RAD50: variants seen among roughly 807,000 people sequenced by gnomAD.
RAD50 encodes the protein DNA repair protein RAD50.
In RAD50, 132 loss-of-function variants were observed where a neutral mutation model predicts 168.8. That is an observed-to-expected ratio of 0.78 (90% CI 0.68 to 0.90). The LOEUF (loss-of-function observed/expected upper bound fraction) is 0.90. RAD50 is among the 40% of genes least tolerant of loss of function. The pLI, the probability that RAD50 is intolerant of heterozygous loss-of-function variation, is 0.00. For synonymous variants in RAD50, 525 were observed against 497.4 expected (o/e 1.06, Z -0.74); for missense variants, 1,347 against 1,534.4 (o/e 0.88, Z 2.04).
At position 132,643,763 on chromosome 5, in the gene RAD50, G is replaced by T; in HGVS notation, c.*1399G>T. ...TAAATGTAATCACGAGTAAGATTAA[G>T]AGCAAATCAATTCTAGTCATATATT... On this transcript the variant is annotated 3_prime_UTR_variant, in exon 25 of 25. Transcript: ENST00000378823. The T allele has an allele frequency of 4.4e-6, 1 of 228,678 alleles. No homozygotes were observed. The allele number at this position is 228,678 out of a possible 1,614,324, so 14.2% of individuals were successfully genotyped here. A position where few individuals can be genotyped will look rare whatever the true frequency, so the allele number is the denominator to read the frequency against.
At chr5:132,571,683 A>C (rs2149835119) in intron 2 of RAD50, among the ~76,000 whole-genome samples, 1 of 152,174 alleles carries the variant, frequency 6.6e-6, no homozygotes, top group Non-Finnish European at 1.5e-5. Context: ...ATGCCACTGC[A>C]CTCCAGCCTG....
chr5:132,622,980 A>T (rs1751309599), intron 21 of RAD50, among the ~76,000 whole-genome samples: 1 of 152,218 alleles, frequency 6.6e-6, no homozygotes, highest in Non-Finnish European at 1.5e-5. Context: ...TGAACCCCAA[A>T]ACTATATAAA....
intron 2 of RAD50, among the ~76,000 whole-genome samples, chr5:132,561,654 TA>T (rs1163661126): frequency 1.3e-5 from 2 of 152,200 alleles, no homozygotes; most frequent in Non-Finnish European, 2.9e-5. Context: ...CTTCTTTCCT[TA>T]ACTCTAGACA....
At chr5:132,639,353 CAA>C (rs980327824) in intron 23 of RAD50, among the ~76,000 whole-genome samples, 15 of 82,652 alleles carry the variant, frequency 1.8e-4, no homozygotes, top group Admixed American at 4.4e-4. Context: ...AACTCCGTCT[CAA>C]AAAAAAAAAA....
In RAD50 at chr5:132,557,017, C is replaced by G. The variant is rs1003263940; in HGVS notation, c.-308C>G. 4 of 720,328 alleles carry G rather than the reference C, an allele frequency of 5.6e-6. No homozygotes were observed. The highest frequency in any genetic ancestry group is 8.3e-6 in the Non-Finnish European group (4 of 480,786). 44.6% of individuals were successfully genotyped at this position (720,328 alleles called of 1,614,324 possible). On this transcript the variant is annotated 5_prime_UTR_variant, in exon 1 of 25. Transcript: ENST00000378823. ...CGGCCGAGGCAGGAAGCTGTGAGTG[C>G]GCGGTTGCGGGGTCGCATTGTGGCT... is the stretch of plus-strand genomic sequence containing the variant.
chr5:132,580,057 T>C lies in RAD50; in HGVS notation c.747T>C (p.Asp249=). Residue 249 remains aspartate, a synonymous_variant, in exon 5 of 25, where the codon GAT becomes GAC. Transcript: ENST00000378823. ...EIVKSYENEL[D]PLKNRLKEIE... ...TCAAATCCTATGAGAATGAACTTGA[T>C]CCATTGAAGGTAACTTGATTTTATT... is the stretch of plus-strand genomic sequence containing the variant. The C allele has an allele frequency of 6.2e-7, 1 of 1,608,678 alleles. No individual in the cohort carries two copies. Among genetic ancestry groups the C allele is most frequent in the Non-Finnish European group, 8.5e-7 (1 of 1,175,178 alleles).
intron 19 of RAD50, among the ~76,000 whole-genome samples, chr5:132,610,322 TTAA>T (rs770381798): frequency 3.6e-4 from 55 of 152,260 alleles, no homozygotes; most frequent in Admixed American, 8.5e-4. Context: ...GGATTAAGGT[TTAA>T]TAATCTTGAA....
In RAD50 at chr5:132,637,009, T is replaced by C. The variant is rs1355308603; in HGVS notation, c.3390-106T>C. ...ACCATTGAAAATATTGAGGAAGTTATTTATATTTCTATTTTTTATATATTA... is the reference window on the plus strand; with the variant it reads ...ACCATTGAAAATATTGAGGAAGTTACTTATATTTCTATTTTTTATATATTA... On this transcript the variant is annotated intron_variant, in intron 21 of 24. Coordinates refer to ENST00000378823, the MANE Select transcript of RAD50 (RefSeq NM_005732.4). 3 of 889,656 alleles carry C rather than the reference T, an allele frequency of 3.4e-6. No homozygotes were observed. The Admixed American group carries it at 1.6e-4, about 46-fold the overall frequency. The allele number at this position is 889,656 out of a possible 1,614,324, so 55.1% of individuals were successfully genotyped here.
chr5:132,579,508 T>C lies in RAD50; in HGVS notation c.551+6T>C. The C allele has an allele frequency of 6.2e-7, 1 of 1,609,238 alleles. No individual in the cohort carries two copies. On this transcript the variant is annotated splice_donor_region_variant and intron_variant, in intron 4 of 24. Coordinates refer to ENST00000378823, the MANE Select transcript of RAD50 (RefSeq NM_005732.4). ...GAGATTTTTTCAGCAACAAGGTTTG[T>C]AACCCTTAAATAGACTTTGTAGTCC...
rs1215003869 is a variant in RAD50 at position 132,604,958 on chromosome 5, G to A, written c.2677G>A (p.Glu893Lys). Residue 893 changes from glutamate to lysine, a missense_variant, in exon 16 of 25, where the codon GAA (glutamate) becomes AAA (lysine). Glu to Lys is a moderately conservative substitution (Grantham distance 56). Around this residue, in one of 3 missense-constraint regions of RAD50, gnomAD observed 635 missense variants for 739.2 expected, o/e 0.86. Transcript: ENST00000378823. ...TCAGCAACTGGAGGAGCAGACTGTGGAATTATCCACTGAAGTTCAGTCTTT... is the reference window on the plus strand; with the variant it reads ...TCAGCAACTGGAGGAGCAGACTGTGAAATTATCCACTGAAGTTCAGTCTTT... ...RRQQLEEQTV[E>K]LSTEVQSLYR... 6.2e-7 allele frequency: 1 copy of A among 1,613,874 alleles called. No homozygotes were observed. The highest frequency in any genetic ancestry group is 1.7e-5 in the Admixed American group (1 of 60,014).
rs2149847348 is a variant in RAD50, at chr5:132,604,055, G to C, written c.2524+9G>C. On this transcript the variant is annotated intron_variant, in intron 15 of 24. Transcript: ENST00000378823. The stretch of plus-strand genomic sequence containing the variant: ...GCACAAGTTAGACACAGGTAATACA[G>C]TCTGTGTCCTTCTGTACTCATAGAG... 6.2e-7 allele frequency: 1 copy of C among 1,613,116 alleles called. No homozygotes were observed. The highest frequency in any genetic ancestry group is 8.5e-7 in the Non-Finnish European group (1 of 1,179,368).
At chr5:132,628,570 G>T (rs954963036) in intron 21 of RAD50, among the ~76,000 whole-genome samples, 1 of 152,084 alleles carries the variant, frequency 6.6e-6, no homozygotes, top group Non-Finnish European at 1.5e-5. Flanking sequence ...CAGCAGCCGG[G>T]CACGGTGGCT....
At chr5:132,558,020 TA>T (rs910937725) in intron 1 of RAD50, among the ~76,000 whole-genome samples, 1 of 151,718 alleles carries the variant, frequency 6.6e-6, no homozygotes, top group African/African-American at 2.4e-5. Context: ...TTTTTTTTTT[TA>T]AAGCCGTGGG....
intron 20 of RAD50, among the ~76,000 whole-genome samples, chr5:132,616,759 G>T (rs1041380286): frequency 2.0e-5 from 3 of 152,128 alleles, no homozygotes; most frequent in Non-Finnish European, 4.4e-5. Context: ...GTTGTACTAG[G>T]CAAATACTTA....
chr5:132,607,318 T>G (rs1449624618), intron 16 of RAD50, among the ~76,000 whole-genome samples: 4 of 152,220 alleles, frequency 2.6e-5, no homozygotes, highest in Non-Finnish European at 5.9e-5. Context: ...GTCATAGCAC[T>G]CTTTCCATTT....
intron 2 of RAD50, among the ~76,000 whole-genome samples, chr5:132,563,523 A>G (rs557220245): frequency 9.2e-5 from 14 of 152,344 alleles, no homozygotes; most frequent in Non-Finnish European, 5.9e-5. Flanking sequence ...TAACCTCAGT[A>G]AGTAAATTGA....
intron 21 of RAD50, among the ~76,000 whole-genome samples, chr5:132,633,105 T>C (rs1561657059): frequency 1.4e-5 from 2 of 145,588 alleles, no homozygotes; most frequent in Non-Finnish European, 1.5e-5. Context: ...TTTCTTTTTT[T>C]TTTTTTTTTT....
At chr5:132,631,422 T>C (rs1167977801) in intron 21 of RAD50, among the ~76,000 whole-genome samples, 4 of 152,034 alleles carry the variant, frequency 2.6e-5, no homozygotes, top group Non-Finnish European at 5.9e-5. Flanking sequence ...ACCTGGCCTC[T>C]CACTTTAAGA....
Position 132,640,689 on chromosome 5 carries a change from C to G in RAD50, c.3636C>G (p.Ile1212Met), listed in dbSNP as rs1554101171. 1 of 1,614,238 alleles carries G rather than the reference C, an allele frequency of 6.2e-7. No homozygotes were observed. Among genetic ancestry groups the G allele is most frequent in the Non-Finnish European group, 8.5e-7 (1 of 1,180,042 alleles). ...TTTTCCAGGTATTAGCCTCACTCATCATTCGCCTGGCCCTGGCTGAAACGT... is the reference window on the plus strand; with the variant it reads ...TTTTCCAGGTATTAGCCTCACTCATGATTCGCCTGGCCCTGGCTGAAACGT... ...SAGQKVLASLIIRLALAETFC... is the reference protein window; with the variant it reads ...SAGQKVLASLMIRLALAETFC... Residue 1212 changes from isoleucine to methionine, a missense_variant, in exon 24 of 25, where the codon ATC becomes ATG. Physicochemically the swap from Ile to Met is conservative, Grantham distance 10. Around this residue, in one of 3 missense-constraint regions of RAD50, gnomAD observed 635 missense variants for 739.2 expected, o/e 0.86. Coordinates refer to ENST00000378823, the MANE Select transcript of RAD50 (RefSeq NM_005732.4).
Sources: allele counts gnomAD v4.1 joint callset (sites outside exome capture counted in the v4.1 genomes callset), GRCh38; gene constraint gnomAD v4.1.1; regional missense constraint gnomAD v4.1.1; transcripts MANE v1.5; gene names NCBI Gene and HGNC (gene_info 2026-07-23, HGNC 2026-07-21).